UNKL: variants seen among roughly 807,000 people sequenced by gnomAD.
UNKL encodes the protein unk like zinc finger, also known as putative E3 ubiquitin-protein ligase UNKL.
UNKL carries 60 observed loss-of-function variants against 78.0 expected under a neutral mutation model. That is an observed-to-expected ratio of 0.77 (90% CI 0.63 to 0.95). UNKL has a LOEUF of 0.95. Ranked by LOEUF, UNKL falls within the 40% of genes least tolerant of loss-of-function variation. UNKL has a pLI of 0.00. For missense variants in UNKL, 1,159 were observed against 1,045.7 expected (o/e 1.11, Z -1.49); for synonymous variants, 608 against 474.8 (o/e 1.28, Z -3.65).
In UNKL at chr16:1,399,030, A is replaced by G; in HGVS notation, c.734+344T>C. 1.4e-6 allele frequency: 2 copies of G among 1,441,716 alleles called. No individual in the cohort carries two copies. Among genetic ancestry groups the G allele is most frequent in the Non-Finnish European group, 1.8e-6 (2 of 1,096,112 alleles). The allele number at this position is 1,441,716 out of a possible 1,614,324, so 89.3% of individuals were successfully genotyped here. Reference sequence around the variant, plus strand: ...AGACAGCATGCAGCCCACAGGCTGGAGAGCGTGGCTGCAACCAGAGGCACG... The same window carrying G: ...AGACAGCATGCAGCCCACAGGCTGGGGAGCGTGGCTGCAACCAGAGGCACG... On this transcript the variant is annotated intron_variant, in intron 5 of 14. Coordinates refer to ENST00000389221, the MANE Select transcript of UNKL (RefSeq NM_001372107.1). This position sits in a 1 kb window ranked among gnomAD's most constrained non-coding sequence, Gnocchi z 5.8.
rs1008294765 is a variant in UNKL at position 1,367,850 on chromosome 16, C to G, written c.1594G>C (p.Gly532Arg). ...AAGTCCCAGATGCTCCCGGGGACAC[C>G]GTTCAAACCTGAGTGTGAAACGGTC... ...ASSYSPLGLNGVPGSIWDFVS... is the reference protein window; with the variant it reads ...ASSYSPLGLNRVPGSIWDFVS... The change falls in exon 13 of 15, where the codon GGT becomes CGT. Residue 532 changes from glycine (G) to arginine (R), a missense_variant. Gly to Arg is a moderately radical substitution (Grantham distance 125). Coordinates refer to ENST00000389221, the MANE Select transcript of UNKL (RefSeq NM_001372107.1). 1 of 1,566,552 alleles carries G rather than the reference C, an allele frequency of 6.4e-7. No homozygotes were observed. The highest frequency in any genetic ancestry group is 8.6e-7 in the Non-Finnish European group (1 of 1,156,612).
In UNKL at chr16:1,399,289, G is replaced by T; in HGVS notation, c.734+85C>A. On this transcript the variant is annotated intron_variant, in intron 5 of 14. Transcript: ENST00000389221. The surrounding 1 kb of genome is among the most constrained non-coding windows in gnomAD (Gnocchi z 5.8). Reference sequence around the variant, plus strand: ...TGCCACAAGGGCAGCCCTCCCATTAGAACCCCGGGGTGGGCAACGCGAGCC... The same window carrying T: ...TGCCACAAGGGCAGCCCTCCCATTATAACCCCGGGGTGGGCAACGCGAGCC... 6.9e-7 allele frequency: 1 copy of T among 1,438,886 alleles called. No homozygotes were observed. The allele number at this position is 1,438,886 out of a possible 1,614,324, so 89.1% of individuals were successfully genotyped here.
Position 1,403,846 on chromosome 16 carries a change from G to A in UNKL, c.288-502C>T, listed in dbSNP as rs568956161. 1.2e-4 allele frequency among the ~76,000 whole-genome samples: 18 copies of A among 152,282 alleles called. No homozygotes were observed. Among genetic ancestry groups the A allele is most frequent in the Non-Finnish European group, 1.8e-4 (12 of 68,026 alleles). On this transcript the variant is annotated intron_variant, in intron 2 of 14. Transcript: ENST00000389221. The surrounding 1 kb of genome is among the most constrained non-coding windows in gnomAD (Gnocchi z 4.8). ...GAACAAGCACAGGGCCCTGGACGCGGCTTGGGGGACACGAGGGGGATGGGC... is the reference window on the plus strand; with the variant it reads ...GAACAAGCACAGGGCCCTGGACGCGACTTGGGGGACACGAGGGGGATGGGC...
In UNKL at chr16:1,392,958, T is replaced by C. The variant is rs1360280640; in HGVS notation, c.956A>G (p.Asn319Ser). The C allele has an allele frequency of 6.4e-7, 1 of 1,550,506 alleles. No homozygotes were observed. The highest frequency in any genetic ancestry group is 1.2e-5 in the South Asian group (1 of 84,060). ...GTGGAGGTCGTGACAGCCCCATTCA[T>C]TCACCATCCCCAGGCTCTCTGCAAG... ...AHVEKSLGMV[N>S]EWGCHDLHLT... is the part of the protein sequence containing the mutation. Residue 319 changes from asparagine (N) to serine (S), a missense_variant, in exon 8 of 15, where the codon AAT becomes AGT. By Grantham distance (46) the Asn-to-Ser change is conservative. Coordinates refer to ENST00000389221, the MANE Select transcript of UNKL (RefSeq NM_001372107.1).
chr16:1,398,437 TC>T (rs1222821386), intron 5 of UNKL: 2 of 1,095,554 alleles, frequency 1.8e-6, no homozygotes, highest in African/African-American at 3.4e-5. Flanking sequence ...TGTGGTTTGT[TC>T]TACAGCCGTT....
rs774418602 is a variant in UNKL at position 1,403,269 on chromosome 16, G to A, written c.363C>T (p.Cys121=). The change falls in exon 3 of 15, where the codon TGC becomes TGT. Residue 121 remains cysteine (C), a synonymous_variant. Coordinates refer to ENST00000389221, the MANE Select transcript of UNKL (RefSeq NM_001372107.1). The surrounding 1 kb of genome is among the most constrained non-coding windows in gnomAD (Gnocchi z 4.8). ...GGCCACGTGCGTCTGTCTCGTGGATGCAGGTTCCTGTTTTGTAGTAACGCA... is the reference window on the plus strand; with the variant it reads ...GGCCACGTGCGTCTGTCTCGTGGATACAGGTTCCTGTTTTGTAGTAACGCA... ...YHLRYYKTGT[C]IHETDARGHC... 8.1e-6 allele frequency: 13 copies of A among 1,614,104 alleles called. No individual in the cohort carries two copies. In the East Asian group the frequency reaches 2.9e-4, roughly 36 times the overall value.
chr16:1,371,082 C>CAAAAAAAAAAAAAAAAAA (rs764163064), intron 11 of UNKL, among the ~76,000 whole-genome samples: 1 of 67,972 alleles, frequency 1.5e-5, no homozygotes, highest in African/African-American at 4.4e-5. Context: ...GGCTCTGTCT[C>CAAAAAAAAAAAAAAAAAA]AAAAAAAAAA....
chr16:1,383,707 G>C (rs1229090879), intron 10 of UNKL: 1 of 401,836 alleles, frequency 2.5e-6, no homozygotes, highest in Non-Finnish European at 5.2e-6. Context: ...CGGCTCTCGG[G>C]CAAGAGTCAT....
At chr16:1,393,933 G>A (rs1180912377) in intron 7 of UNKL, among the ~76,000 whole-genome samples, 198 bp downstream of exon 7, 3 of 152,190 alleles carry the variant, frequency 2.0e-5, no homozygotes, top group Non-Finnish European at 2.9e-5. Flanking sequence ...CGTGGAGGGA[G>A]CCCAGCCTCA....
chr16:1,381,256 A>G (rs186555014), intron 10 of UNKL, among the ~76,000 whole-genome samples: 2 of 152,322 alleles, frequency 1.3e-5, no homozygotes, highest in East Asian at 3.9e-4. Context: ...CTCAAATTCT[A>G]GCATTACTAC....
chr16:1,398,274 C>G lies in UNKL; in HGVS notation c.735-979G>C. ...CCTGGGCCACAGAGTGAGACTCTGT[C>G]TCATAAAAAAACAAAATCCTCTACT... On this transcript the variant is annotated intron_variant, in intron 5 of 14. Transcript: ENST00000389221. The G allele has an allele frequency of 7.0e-6, 7 of 995,502 alleles. No individual in the cohort carries two copies. The South Asian group carries it at 3.0e-4, about 43-fold the overall frequency. 61.7% of individuals were successfully genotyped at this position (995,502 alleles called of 1,614,324 possible).
chr16:1,392,403 C>A (rs189287242), intron 8 of UNKL, among the ~76,000 whole-genome samples: 6 of 152,120 alleles, frequency 3.9e-5, no homozygotes, highest in Non-Finnish European at 8.8e-5. Flanking sequence ...TCCCCCATAG[C>A]CTTACCTTCC....
chr16:1,371,952 C>T (rs180865235), intron 10 of UNKL, among the ~76,000 whole-genome samples: 42 of 152,268 alleles, frequency 2.8e-4, no homozygotes, highest in Middle Eastern at 6.8e-3. Flanking sequence ...TGTGCACATT[C>T]GACTGTTTAA....
chr16:1,378,639 G>A (rs190349808), intron 10 of UNKL, among the ~76,000 whole-genome samples: 157 of 152,310 alleles, frequency 1.0e-3, no homozygotes, highest in Admixed American at 2.2e-3. Flanking sequence ...CTCAGAGGGC[G>A]TCAGCCACCA....
intron 10 of UNKL, among the ~76,000 whole-genome samples, chr16:1,375,991 G>T (rs2036184948): frequency 1.3e-5 from 2 of 152,240 alleles, no homozygotes; most frequent in South Asian, 2.1e-4. Context: ...GGCAGTGGCA[G>T]AGGACCACGC....
intron 5 of UNKL, chr16:1,398,688 C>T (rs528174147): frequency 4.4e-6 from 5 of 1,142,966 alleles, no homozygotes; most frequent in Middle Eastern, 7.8e-4. Context: ...TGCACCCCCC[C>T]ACCCCCCTCT....
At chr16:1,381,651 T>TTTA (rs2036611928) in intron 10 of UNKL, among the ~76,000 whole-genome samples, 1 of 152,174 alleles carries the variant, frequency 6.6e-6, no homozygotes, top group Non-Finnish European at 1.5e-5. Flanking sequence ...CTCATGGAGC[T>TTTA]TTAGCCACTG....
At chr16:1,412,420 C>A (rs373506812) in intron 2 of UNKL, among the ~76,000 whole-genome samples, 26 of 151,862 alleles carry the variant, frequency 1.7e-4, no homozygotes, top group African/African-American at 3.1e-4. Context: ...AGACCAGCCT[C>A]GCCAACATGG....
chr16:1,403,257 T>C lies in UNKL; in HGVS notation c.375A>G (p.Thr125=). 1 of 1,614,206 alleles carries C rather than the reference T, an allele frequency of 6.2e-7. No homozygotes were observed. Among genetic ancestry groups the C allele is most frequent in the Non-Finnish European group, 8.5e-7 (1 of 1,180,024 alleles). Residue 125 remains threonine (T), a synonymous_variant, in exon 3 of 15, where the codon ACA becomes ACG. Transcript: ENST00000389221. This position sits in a 1 kb window ranked among gnomAD's most constrained non-coding sequence, Gnocchi z 4.8. The stretch of plus-strand genomic sequence containing the variant: ...TCTTCACGCAGTGGCCACGTGCGTC[T>C]GTCTCGTGGATGCAGGTTCCTGTTT... ...YYKTGTCIHE[T]DARGHCVKNG...
Sources: gnomAD v4.1 joint callset for allele counts (sites outside exome capture counted in the v4.1 genomes callset) on GRCh38, gnomAD v4.1.1 for gene constraint, Gnocchi (gnomAD v3.1) non-coding constraint, MANE v1.5 for transcripts, NCBI Gene and HGNC (gene_info 2026-07-23, HGNC 2026-07-21) for gene names.